Variants in TUBA4A observed in about 807,000 individuals in gnomAD.
TUBA4A encodes the protein tubulin alpha 4a.
A neutral mutation model predicts 34.3 loss-of-function variants in TUBA4A; 23 were observed. The observed-to-expected ratio is 0.67, with a 90% CI of 0.48 to 0.95. The LOEUF is 0.95. TUBA4A is among the 40% of genes least tolerant of loss of function. TUBA4A has a pLI of 0.00. For synonymous variants in TUBA4A, 216 were observed against 230.5 expected (o/e 0.94, Z 0.57); for missense variants, 279 against 599.0 (o/e 0.47, Z 5.58).
intron 1 of TUBA4A, chr2:219,253,323 C>T (rs1355118847): frequency 1.3e-6 from 2 of 1,528,484 alleles, no homozygotes; most frequent in Admixed American, 4.0e-5. Flanking sequence ...TCCCACCAAC[C>T]CTCTCAGCTC....
intron 1 of TUBA4A, chr2:219,253,230 C>T: frequency 6.7e-7 from 1 of 1,494,654 alleles, no homozygotes; most frequent in African/African-American, 1.4e-5. Flanking sequence ...CCGCGCAGTG[C>T]TCAGCGCCAG....
chr2:219,252,361 G>T lies in TUBA4A; in HGVS notation c.4-131C>A. On this transcript the variant is annotated intron_variant, in intron 1 of 3. Transcript: ENST00000248437. The surrounding 1 kb of genome is among the most constrained non-coding windows in gnomAD (Gnocchi z 4.1). ...GGCAAGAGTGGAGGGTTGGGGCTGG[G>T]CAGAGGTGAGAAGAGAGTAGCAGCC... The T allele has an allele frequency of 1.1e-6, 1 of 908,650 alleles. No homozygotes were observed. Among genetic ancestry groups the T allele is most frequent in the Non-Finnish European group, 1.7e-6 (1 of 598,040 alleles). 56.3% of individuals were successfully genotyped at this position (908,650 alleles called of 1,614,324 possible).
In TUBA4A at chr2:219,251,598, G is replaced by A. The variant is rs531687027; in HGVS notation, c.342C>T (p.Ile114=). 13 of 1,614,118 alleles carry A rather than the reference G, an allele frequency of 8.1e-6. No individual in the cohort carries two copies. In the East Asian group the frequency reaches 2.0e-4, roughly 25 times the overall value. ...ARGHYTIGKE[I]IDPVLDRIRK... The stretch of plus-strand genomic sequence containing the variant: ...GGATCCGATCCAGCACTGGGTCAAT[G>A]ATCTCCTTGCCAATGGTATAGTGAC... Residue 114 remains isoleucine, a synonymous_variant, in exon 3 of 4, where the codon ATC becomes ATT. Coordinates refer to ENST00000248437, the MANE Select transcript of TUBA4A (RefSeq NM_006000.3). The surrounding 1 kb of genome is among the most constrained non-coding windows in gnomAD (Gnocchi z 6.1).
chr2:219,253,638 G>T (rs1050695860), intron 1 of TUBA4A, among the ~76,000 whole-genome samples: 5 of 152,116 alleles, frequency 3.3e-5, no homozygotes, highest in African/African-American at 1.2e-4. Flanking sequence ...CTGAAGAGTC[G>T]CACTCCACCC....
chr2:219,250,772 G>A lies in TUBA4A; in HGVS notation c.927C>T (p.His309=), dbSNP rs746979509. The part of the protein sequence containing the change: ...ANQMVKCDPR[H]GKYMACCLLY... ...GCAGGCAGCAGGCCATGTACTTGCC[G>A]TGCCGGGGATCACACTTTACCATCT... is the stretch of plus-strand genomic sequence containing the variant. Residue 309 remains histidine (H), a synonymous_variant, in exon 4 of 4, where the codon CAC becomes CAT. Coordinates refer to ENST00000248437, the MANE Select transcript of TUBA4A (RefSeq NM_006000.3). This position sits in a 1 kb window ranked among gnomAD's most constrained non-coding sequence, Gnocchi z 8.4. The A allele has an allele frequency of 1.5e-5, 25 of 1,614,230 alleles. No homozygotes were observed. The South Asian group carries it at 1.8e-4, about 11-fold the overall frequency.
In TUBA4A at chr2:219,250,263, C is replaced by T; in HGVS notation, c.*89G>A. The T allele has an allele frequency of 6.5e-7, 1 of 1,528,500 alleles. No individual in the cohort carries two copies. The highest frequency in any genetic ancestry group is 8.8e-7 in the Non-Finnish European group (1 of 1,135,312). The allele number at this position is 1,528,500 out of a possible 1,614,324, so 94.7% of individuals were successfully genotyped here. A position where few individuals can be genotyped will look rare whatever the true frequency, so the allele number is the denominator to read the frequency against. On this transcript the variant is annotated 3_prime_UTR_variant, in exon 4 of 4. Coordinates refer to ENST00000248437, the MANE Select transcript of TUBA4A (RefSeq NM_006000.3). The surrounding 1 kb of genome is among the most constrained non-coding windows in gnomAD (Gnocchi z 8.4). Reference sequence around the variant, plus strand: ...GGGGAAGGCAGCAGAAGCTCAAGCACTCAGAGGGAACAAGAAACCGTGCAA... The same window carrying T: ...GGGGAAGGCAGCAGAAGCTCAAGCATTCAGAGGGAACAAGAAACCGTGCAA...
rs1300560823 is a variant in TUBA4A, at chr2:219,253,558, C to T, written c.3+298G>A. The T allele has an allele frequency of 1.6e-5, 13 of 788,634 alleles. No homozygotes were observed. In the Admixed American group the frequency reaches 2.7e-4, roughly 17 times the overall value. The allele number at this position is 788,634 out of a possible 1,614,324, so 48.9% of individuals were successfully genotyped here. On this transcript the variant is annotated intron_variant, in intron 1 of 3. Coordinates refer to ENST00000248437, the MANE Select transcript of TUBA4A (RefSeq NM_006000.3). ...GGACGGGGCGCGGGCCCGCGTGACTCTCATACAGAGTCGGGACACAAATGC... is the reference window on the plus strand; with the variant it reads ...GGACGGGGCGCGGGCCCGCGTGACTTTCATACAGAGTCGGGACACAAATGC...
At position 219,252,055 on chromosome 2, in the gene TUBA4A, T is replaced by C. The variant is rs758743744; in HGVS notation, c.179A>G (p.Lys60Arg). The C allele has an allele frequency of 1.9e-6, 3 of 1,614,164 alleles. No homozygotes were observed. In the South Asian group the frequency reaches 3.3e-5, roughly 18 times the overall value. The part of the protein sequence containing the change: ...TTFFCETGAG[K>R]HVPRAVFVDL... ...CACAAAAACTGCCCGGGGTACGTGT[T>C]TTCCAGCACCAGTTTCACAGAAGAA... Residue 60 changes from lysine to arginine, a missense_variant, in exon 2 of 4, where the codon AAA (lysine) becomes AGA (arginine). By Grantham distance (26) the Lys-to-Arg change is conservative. Transcript: ENST00000248437. This position sits in a 1 kb window ranked among gnomAD's most constrained non-coding sequence, Gnocchi z 4.1.
chr2:219,250,759 C>A lies in TUBA4A; in HGVS notation c.940G>T (p.Ala314Ser). 5 of 1,614,226 alleles carry A rather than the reference C, an allele frequency of 3.1e-6. No individual in the cohort carries two copies. The highest frequency in any genetic ancestry group is 4.2e-6 in the Non-Finnish European group (5 of 1,180,034). ...TCTCCACGGTACAGCAGGCAGCAGG[C>A]CATGTACTTGCCGTGCCGGGGATCA... ...KCDPRHGKYM[A>S]CCLLYRGDVV... The change falls in exon 4 of 4, where the codon GCC becomes TCC. Residue 314 changes from alanine (A) to serine (S), a missense_variant. Transcript: ENST00000248437. The surrounding 1 kb of genome is among the most constrained non-coding windows in gnomAD (Gnocchi z 8.4).
chr2:219,251,772 TA>T lies in TUBA4A; in HGVS notation c.227-60del, dbSNP rs199674278. 391 of 1,571,026 alleles carry T rather than the reference TA, an allele frequency of 2.5e-4. 2 individuals carry two copies. The East Asian group carries it at 8.7e-3, about 35-fold the overall frequency. ...CAGGGACCTTCCTCCCCCAGGGTGG[TA>T]GCTGTGGCCAGATGCATGGAAGGAC... is the stretch of plus-strand genomic sequence containing the variant. On this transcript the variant is annotated intron_variant, in intron 2 of 3. Transcript: ENST00000248437. The surrounding 1 kb of genome is among the most constrained non-coding windows in gnomAD (Gnocchi z 6.1).
intron 1 of TUBA4A, chr2:219,253,224 G>T: frequency 5.4e-6 from 8 of 1,491,710 alleles, no homozygotes; most frequent in South Asian, 1.3e-5. Flanking sequence ...CTCGGCCCGC[G>T]CAGTGCTCAG....
rs1317938417 is a variant in TUBA4A, at chr2:219,252,897, G to A, written c.4-667C>T. 27 of 472,982 alleles carry A rather than the reference G, an allele frequency of 5.7e-5. 1 individual carries two copies. The Middle Eastern group carries it at 6.1e-3, about 107-fold the overall frequency. The allele number at this position is 472,982 out of a possible 1,614,324, so 29.3% of individuals were successfully genotyped here. On this transcript the variant is annotated intron_variant, in intron 1 of 3. Coordinates refer to ENST00000248437, the MANE Select transcript of TUBA4A (RefSeq NM_006000.3). The surrounding 1 kb of genome is among the most constrained non-coding windows in gnomAD (Gnocchi z 4.1). Reference sequence around the variant, plus strand: ...TGGGGCGCTCACTGCCTTAGGCTCCGTCCCTGTCAGCCCGAAATTAACCCC... The same window carrying A: ...TGGGGCGCTCACTGCCTTAGGCTCCATCCCTGTCAGCCCGAAATTAACCCC...
rs1382772981 is a variant in TUBA4A, at chr2:219,252,617, C to T, written c.4-387G>A. On this transcript the variant is annotated intron_variant, in intron 1 of 3. Coordinates refer to ENST00000248437, the MANE Select transcript of TUBA4A (RefSeq NM_006000.3). This position sits in a 1 kb window ranked among gnomAD's most constrained non-coding sequence, Gnocchi z 4.1. ...CATAGAACCCTTTCCCTCTTTCTTT[C>T]CTGTAAGCTGCAGAGGTGTCTCAGC... Among the ~76,000 whole-genome samples the T allele has an allele frequency of 6.6e-6, 1 of 150,884 alleles. No individual in the cohort carries two copies. The highest frequency in any genetic ancestry group is 1.5e-5 in the Non-Finnish European group (1 of 67,840).
Position 219,252,114 on chromosome 2 carries a change from C to G in TUBA4A, c.120G>C (p.Lys40Asn). 6.2e-7 allele frequency: 1 copy of G among 1,614,226 alleles called. No individual in the cohort carries two copies. Residue 40 changes from lysine (K) to asparagine (N), a missense_variant, in exon 2 of 4, where the codon AAG (lysine) becomes AAC (asparagine). Lys to Asn is a moderately conservative substitution (Grantham distance 94, BLOSUM62 0). Transcript: ENST00000248437. The surrounding 1 kb of genome is among the most constrained non-coding windows in gnomAD (Gnocchi z 4.1). ...AGGAGTCGTCCCCTCCACCAATGGT[C>G]TTGTCACTGGGCATCTGCCCATCAG... Reference protein sequence around the residue: ...IQPDGQMPSDKTIGGGDDSFT... With the variant: ...IQPDGQMPSDNTIGGGDDSFT...
chr2:219,250,183 C>G lies in TUBA4A; in HGVS notation c.*169G>C. Reference sequence around the variant, plus strand: ...AGAACCCCTTTGCAGGTCTCACCTTCAGCGATGGAAGGGATAAGGGTCATG... The same window carrying G: ...AGAACCCCTTTGCAGGTCTCACCTTGAGCGATGGAAGGGATAAGGGTCATG... On this transcript the variant is annotated 3_prime_UTR_variant, in exon 4 of 4. Transcript: ENST00000248437. This position sits in a 1 kb window ranked among gnomAD's most constrained non-coding sequence, Gnocchi z 8.4. 1 of 1,020,776 alleles carries G rather than the reference C, an allele frequency of 9.8e-7. No individual in the cohort carries two copies. Among genetic ancestry groups the G allele is most frequent in the Non-Finnish European group, 1.5e-6 (1 of 689,040 alleles). 63.2% of individuals were successfully genotyped at this position (1,020,776 alleles called of 1,614,324 possible). A position where few individuals can be genotyped will look rare whatever the true frequency, so the allele number is the denominator to read the frequency against.
chr2:219,251,511 C>A lies in TUBA4A; in HGVS notation c.375+54G>T. On this transcript the variant is annotated intron_variant, in intron 3 of 3. Transcript: ENST00000248437. The surrounding 1 kb of genome is among the most constrained non-coding windows in gnomAD (Gnocchi z 6.1). ...CTGAAAGGATCTGAAAAAAAATATTCCTGACCATTAGCACAGTCTCAAAAG... is the reference window on the plus strand; with the variant it reads ...CTGAAAGGATCTGAAAAAAAATATTACTGACCATTAGCACAGTCTCAAAAG... The A allele has an allele frequency of 6.3e-7, 1 of 1,581,568 alleles. No homozygotes were observed. The highest frequency in any genetic ancestry group is 1.1e-5 in the South Asian group (1 of 87,452).
chr2:219,252,838 G>C lies in TUBA4A; in HGVS notation c.4-608C>G, dbSNP rs1951670697. 4 of 472,112 alleles carry C rather than the reference G, an allele frequency of 8.5e-6. No homozygotes were observed. In the East Asian group the frequency reaches 2.8e-4, roughly 33 times the overall value. The allele number at this position is 472,112 out of a possible 1,614,324, so 29.2% of individuals were successfully genotyped here. A position where few individuals can be genotyped will look rare whatever the true frequency, so the allele number is the denominator to read the frequency against. ...AGCGGCGGTAATGCTTGTAAGCTCA[G>C]ACAGCAGGGGCCAGCAATAAGGTTT... On this transcript the variant is annotated intron_variant, in intron 1 of 3. Coordinates refer to ENST00000248437, the MANE Select transcript of TUBA4A (RefSeq NM_006000.3). This position sits in a 1 kb window ranked among gnomAD's most constrained non-coding sequence, Gnocchi z 4.1.
upstream of TUBA4A, chr2:219,254,426 GGGGCGGCAGCCTTTCGCCGACGCCTGT>G (rs1951699272): frequency 1.3e-5 from 2 of 152,406 alleles, no homozygotes; most frequent in Non-Finnish European, 2.9e-5. Context: ...GTCCCCGGCC[GGGGCGGCAGCCTTTCGCCGACGCCTGT>G]GGGCGGCCGA....
At position 219,253,910 on chromosome 2, in the gene TUBA4A, G is replaced by A; in HGVS notation, c.-52C>T. Reference sequence around the variant, plus strand: ...TTGAGTCGGGGTGACAGGTCTCAGTGAGAACTGCGCTAGCTGCAGTGCCGC... The same window carrying A: ...TTGAGTCGGGGTGACAGGTCTCAGTAAGAACTGCGCTAGCTGCAGTGCCGC... On this transcript the variant is annotated 5_prime_UTR_variant, in exon 1 of 4. Transcript: ENST00000248437. The A allele has an allele frequency of 2.9e-6, 4 of 1,397,182 alleles. No homozygotes were observed. Among genetic ancestry groups the A allele is most frequent in the South Asian group, 1.6e-5 (1 of 61,740 alleles). The allele number at this position is 1,397,182 out of a possible 1,614,324, so 86.5% of individuals were successfully genotyped here.
Sources: allele counts gnomAD v4.1 joint callset (sites outside exome capture counted in the v4.1 genomes callset), GRCh38; gene constraint gnomAD v4.1.1; non-coding constraint Gnocchi (gnomAD v3.1); transcripts MANE v1.5; gene names NCBI Gene and HGNC (gene_info 2026-07-23, HGNC 2026-07-21).